Variants in EFNA5 observed in about 807,000 individuals in gnomAD.
EFNA5 encodes the protein ephrin A5.
A neutral mutation model predicts 22.9 loss-of-function variants in EFNA5; 5 were observed. The ratio of observed to expected loss-of-function variants is 0.22; its 90% CI spans 0.11 to 0.46. EFNA5 has a LOEUF of 0.46. Ranked by LOEUF, EFNA5 falls within the 20% of genes least tolerant of loss-of-function variation. EFNA5 has a pLI of 0.99. For missense variants in EFNA5, 237 were observed against 293.3 expected (o/e 0.81, Z 1.40); for synonymous variants, 113 against 112.2 (o/e 1.01, Z -0.04).
intron 1 of EFNA5, among the ~76,000 whole-genome samples, chr5:107,557,673 G>T (rs973065096): frequency 1.3e-5 from 2 of 152,190 alleles, no homozygotes; most frequent in Non-Finnish European, 2.9e-5. Flanking sequence ...TTTAAAAAGA[G>T]GCTCTAATAT....
chr5:107,540,942 A>G lies in EFNA5; in HGVS notation c.126-113433T>C, dbSNP rs574168230. Among the ~76,000 whole-genome samples the G allele has an allele frequency of 1.1e-4, 17 of 152,254 alleles. 1 individual carries two copies. The South Asian group carries it at 3.3e-3, about 30-fold the overall frequency. On this transcript the variant is annotated intron_variant, in intron 1 of 4. Transcript: ENST00000333274. ...GCCAACATGGTGAAGCCCTGTCTCTACTAAAAGTACAAAAATTAGCCGGGC... is the reference window on the plus strand; with the variant it reads ...GCCAACATGGTGAAGCCCTGTCTCTGCTAAAAGTACAAAAATTAGCCGGGC...
chr5:107,500,755 A>G (rs1002850771), intron 1 of EFNA5, among the ~76,000 whole-genome samples: 2 of 152,138 alleles, frequency 1.3e-5, no homozygotes, highest in African/African-American at 4.8e-5. Context: ...CTGAGCATAT[A>G]TTCAAATATA....
At chr5:107,646,576 T>C (rs1750637597) in intron 1 of EFNA5, among the ~76,000 whole-genome samples, 1 of 152,158 alleles carries the variant, frequency 6.6e-6, no homozygotes, top group African/African-American at 2.4e-5. Flanking sequence ...TTGGTACTAG[T>C]TCTTCCTTTT....
chr5:107,648,546 C>T (rs1750670919), intron 1 of EFNA5, among the ~76,000 whole-genome samples: 1 of 152,048 alleles, frequency 6.6e-6, no homozygotes, highest in South Asian at 2.1e-4. Flanking sequence ...TCTTTTGAAG[C>T]ACTTAGATTT....
chr5:107,530,910 T>C (rs1747797852), intron 1 of EFNA5, among the ~76,000 whole-genome samples: 1 of 152,204 alleles, frequency 6.6e-6, no homozygotes, highest in South Asian at 2.1e-4. Context: ...GCCTCTCCTG[T>C]AAAGAAGTAT....
intron 2 of EFNA5, among the ~76,000 whole-genome samples, chr5:107,418,152 T>A (rs1358817890): frequency 6.6e-6 from 1 of 152,228 alleles, no homozygotes; most frequent in Non-Finnish European, 1.5e-5. Context: ...GAAATTCAGT[T>A]GCCTTAATAA....
intron 2 of EFNA5, among the ~76,000 whole-genome samples, chr5:107,390,514 A>C (rs1447584957): frequency 6.6e-6 from 1 of 152,180 alleles, no homozygotes; most frequent in Non-Finnish European, 1.5e-5. Context: ...TCTCAGGATC[A>C]ATTTATGAGC....
intron 1 of EFNA5, among the ~76,000 whole-genome samples, chr5:107,439,866 T>G (rs866714916): frequency 6.6e-6 from 1 of 152,188 alleles, no homozygotes; most frequent in Non-Finnish European, 1.5e-5. Flanking sequence ...AAACAGAATA[T>G]GCCACCACCC....
chr5:107,459,364 A>G (rs1749776514), intron 1 of EFNA5, among the ~76,000 whole-genome samples: 1 of 143,116 alleles, frequency 7.0e-6, no homozygotes, highest in Non-Finnish European at 1.5e-5. Flanking sequence ...AAAAAAATCA[A>G]TTGGAACACA....
At chr5:107,606,888 T>G (rs1165578619) in intron 1 of EFNA5, among the ~76,000 whole-genome samples, 1 of 152,154 alleles carries the variant, frequency 6.6e-6, no homozygotes, top group Non-Finnish European at 1.5e-5. Flanking sequence ...AGCGCCCTAA[T>G]TTTTTTCTCT....
chr5:107,594,041 T>C (rs1397990074), intron 1 of EFNA5, among the ~76,000 whole-genome samples: 3 of 152,218 alleles, frequency 2.0e-5, no homozygotes, highest in Non-Finnish European at 4.4e-5. Flanking sequence ...CTCTCATTCC[T>C]TTTCATGACT....
chr5:107,602,160 T>C (rs913014293), intron 1 of EFNA5, among the ~76,000 whole-genome samples: 1 of 152,196 alleles, frequency 6.6e-6, no homozygotes, highest in Non-Finnish European at 1.5e-5. Flanking sequence ...AGCAAAAACA[T>C]GTTTCATATG....
intron 4 of EFNA5, among the ~76,000 whole-genome samples, chr5:107,382,527 G>A (rs1261892002): frequency 1.3e-5 from 2 of 151,978 alleles, no homozygotes; most frequent in South Asian, 2.1e-4. Context: ...TGTGAACCAC[G>A]ATGCCTGGCT....
intron 1 of EFNA5, among the ~76,000 whole-genome samples, chr5:107,431,727 A>G (rs1258260203): frequency 2.6e-5 from 4 of 152,136 alleles, no homozygotes; most frequent in African/African-American, 7.2e-5. Context: ...ACCCATTTTC[A>G]TTCTTGATGA....
intron 1 of EFNA5, among the ~76,000 whole-genome samples, chr5:107,550,571 T>C (rs1199302368): frequency 1.3e-5 from 2 of 152,234 alleles, no homozygotes; most frequent in African/African-American, 2.4e-5. Flanking sequence ...AATGATACGA[T>C]ATATGTACTG....
chr5:107,434,107 G>GT (rs1340137649), intron 1 of EFNA5, among the ~76,000 whole-genome samples: 1 of 152,176 alleles, frequency 6.6e-6, no homozygotes, highest in Non-Finnish European at 1.5e-5. Context: ...AGCCTAAGCT[G>GT]TAAGAGCTTT....
At chr5:107,403,177 A>C (rs1044324225) in intron 2 of EFNA5, among the ~76,000 whole-genome samples, 1 of 152,214 alleles carries the variant, frequency 6.6e-6, no homozygotes, top group Non-Finnish European at 1.5e-5. Context: ...GGGAAGCAGA[A>C]GGAGTGTTTA....
intron 2 of EFNA5, among the ~76,000 whole-genome samples, chr5:107,390,722 C>G (rs191247830): frequency 0.011 from 1,706 of 151,124 alleles, 21 homozygotes; most frequent in Admixed American, 0.018. Context: ...AATTTATATA[C>G]ATAAATTATA....
chr5:107,487,563 A>C (rs1490390600), intron 1 of EFNA5, among the ~76,000 whole-genome samples: 1 of 152,218 alleles, frequency 6.6e-6, no homozygotes, highest in Non-Finnish European at 1.5e-5. Flanking sequence ...GGTTTGTTGG[A>C]TAGAAGTAAA....
Sources: allele counts gnomAD v4.1 joint callset (sites outside exome capture counted in the v4.1 genomes callset), GRCh38; gene constraint gnomAD v4.1.1; transcripts MANE v1.5; gene names NCBI Gene and HGNC (gene_info 2026-07-23, HGNC 2026-07-21).